The following TGFBR3 variants were observed in gnomAD, a reference collection of about 807,000 sequenced individuals.
The protein encoded by TGFBR3 is transforming growth factor beta receptor 3.
A neutral mutation model predicts 87.9 loss-of-function variants in TGFBR3; 46 were observed. The ratio of observed to expected loss-of-function variants is 0.52; its 90% confidence interval spans 0.41 to 0.67. The LOEUF (loss-of-function observed/expected upper bound fraction) is 0.67, where lower values mean the gene tolerates loss of function less well. TGFBR3 is among the 30% of genes least tolerant of loss of function. TGFBR3 has a pLI of 0.00. For synonymous variants in TGFBR3, 381 were observed against 391.6 expected (o/e 0.97, Z 0.32); for missense variants, 866 against 1,041.9 (o/e 0.83, Z 2.32).
intron 4 of TGFBR3, among the ~76,000 whole-genome samples, chr1:91,746,057 TA>T (rs937883547): frequency 2.6e-5 from 4 of 151,974 alleles, no homozygotes; most frequent in South Asian, 4.1e-4. Flanking sequence ...TGCTGAAATA[TA>T]AAAAAAACCT....
At chr1:91,782,703 C>A (rs1248705876) in intron 3 of TGFBR3, among the ~76,000 whole-genome samples, 3 of 151,920 alleles carry the variant, frequency 2.0e-5, no homozygotes, top group African/African-American at 7.3e-5. Context: ...ATTAAAAGAC[C>A]CCAGGGGCAT....
intron 2 of TGFBR3, among the ~76,000 whole-genome samples, chr1:91,850,105 GAAAGAA>G (rs1677669141): frequency 8.0e-6 from 1 of 125,004 alleles, no homozygotes; most frequent in Non-Finnish European, 1.7e-5. Flanking sequence ...AAAAAAAAAA[GAAAGAA>G]AAAGAAAAAA....
At chr1:91,803,380 T>C (rs1675711829) in intron 2 of TGFBR3, among the ~76,000 whole-genome samples, 2 of 152,184 alleles carry the variant, frequency 1.3e-5, no homozygotes. Flanking sequence ...TCTTCTGCCA[T>C]TTCCTTCTGA....
chr1:91,747,098 A>G (rs1673376107), intron 4 of TGFBR3, among the ~76,000 whole-genome samples: 1 of 152,240 alleles, frequency 6.6e-6, no homozygotes, highest in African/African-American at 2.4e-5. Context: ...GCAATTAGAT[A>G]AAGTGCCAGA....
intron 12 of TGFBR3, 100 bp downstream of exon 12, chr1:91,716,136 G>T: frequency 7.0e-7 from 1 of 1,433,542 alleles, no homozygotes; most frequent in Non-Finnish European, 9.7e-7. Flanking sequence ...GGTCTGTGAG[G>T]TAGGACAGGA....
intron 3 of TGFBR3, among the ~76,000 whole-genome samples, chr1:91,778,589 G>T (rs1222573686): frequency 6.6e-6 from 1 of 152,118 alleles, no homozygotes; most frequent in Non-Finnish European, 1.5e-5. Context: ...TATAATTAAT[G>T]AGAAACTTCC....
Position 91,689,589 on chromosome 1 carries a change from A to G in TGFBR3, c.2438-5732T>C, listed in dbSNP as rs574949225. 3.0e-4 allele frequency among the ~76,000 whole-genome samples: 46 copies of G among 152,316 alleles called. 1 individual carries two copies. The South Asian group carries it at 9.1e-3, about 30-fold the overall frequency. On this transcript the variant is annotated intron_variant, in intron 16 of 16. Transcript: ENST00000212355. ...AGAAAAACCGAAACACATGTTAATT[A>G]ATGTTTATTATCTGATAAGCAGAAG... is the stretch of plus-strand genomic sequence containing the variant.
intron 2 of TGFBR3, among the ~76,000 whole-genome samples, chr1:91,807,076 G>A (rs1191130790): frequency 2.0e-5 from 3 of 152,164 alleles, no homozygotes; most frequent in South Asian, 2.1e-4. Flanking sequence ...CACGCCTGAC[G>A]TGTACATAAC....
intron 1 of TGFBR3, among the ~76,000 whole-genome samples, chr1:91,901,943 A>G (rs1284016451): frequency 6.0e-5 from 3 of 50,272 alleles, no homozygotes; most frequent in Non-Finnish European, 1.1e-4. Context: ...CCACCAAAAG[A>G]AAAAAAAAAA....
At position 91,815,305 on chromosome 1, in the gene TGFBR3, A is replaced by C. The variant is rs375543890; in HGVS notation, c.62-17834T>G. ...TGACAGAGCAAGACTCCATCTAAAAATAAAATAAAATAAAATAAAATAAAA... is the reference window on the plus strand; with the variant it reads ...TGACAGAGCAAGACTCCATCTAAAACTAAAATAAAATAAAATAAAATAAAA... On this transcript the variant is annotated intron_variant, in intron 2 of 16. Transcript: ENST00000212355. Among the ~76,000 whole-genome samples the C allele has an allele frequency of 8.9e-3, 544 of 61,044 alleles. 1 individual carries two copies. Among genetic ancestry groups the C allele is most frequent in the East Asian group, 0.071 (33 of 464 alleles). 40.0% of individuals were successfully genotyped at this position (61,044 alleles called of 152,430 possible).
chr1:91,876,325 A>G (rs1358859518), intron 1 of TGFBR3, among the ~76,000 whole-genome samples: 1 of 152,172 alleles, frequency 6.6e-6, no homozygotes, highest in Non-Finnish European at 1.5e-5. Context: ...TGGCAGTGGA[A>G]AGGAGATTTC....
intron 10 of TGFBR3, among the ~76,000 whole-genome samples, chr1:91,717,492 T>C (rs1327442085): frequency 6.6e-6 from 1 of 152,200 alleles, no homozygotes; most frequent in African/African-American, 2.4e-5. Flanking sequence ...CCTGGATTAT[T>C]TCTAAATAGG....
At chr1:91,786,207 A>T (rs1473678831) in intron 3 of TGFBR3, 2 of 456,172 alleles carry the variant, frequency 4.4e-6, no homozygotes, top group East Asian at 1.4e-4. Flanking sequence ...TGGGTTCTTA[A>T]TAGTGATTCA....
At position 91,721,944 on chromosome 1, in the gene TGFBR3, T is replaced by G. The variant is rs1672381153; in HGVS notation, c.1075+11A>C. 3 of 1,612,240 alleles carry G rather than the reference T, an allele frequency of 1.9e-6. No homozygotes were observed. The highest frequency in any genetic ancestry group is 2.5e-6 in the Non-Finnish European group (3 of 1,179,078). On this transcript the variant is annotated intron_variant, in intron 8 of 16. Coordinates refer to ENST00000212355, the MANE Select transcript of TGFBR3 (RefSeq NM_003243.5). ...GTATTTTTTACATAACTTAAAAAAC[T>G]TCTAACTTACCATTATTTTCAAGCC...
At chr1:91,834,944 T>C (rs928864521) in intron 2 of TGFBR3, among the ~76,000 whole-genome samples, 1 of 152,202 alleles carries the variant, frequency 6.6e-6, no homozygotes, top group African/African-American at 2.4e-5. Context: ...CCTCCCAAAG[T>C]GCTGGGATTA....
At position 91,870,428 on chromosome 1, in the gene TGFBR3, A is replaced by G. The variant is rs978161760; in HGVS notation, c.-113-8784T>C. 8.5e-5 allele frequency among the ~76,000 whole-genome samples: 13 copies of G among 152,360 alleles called. No individual in the cohort carries two copies. The South Asian group carries it at 1.7e-3, about 19-fold the overall frequency. On this transcript the variant is annotated intron_variant, in intron 1 of 16. Coordinates refer to ENST00000212355, the MANE Select transcript of TGFBR3 (RefSeq NM_003243.5). Reference sequence around the variant, plus strand: ...GCAAACCAAAAATTAGAAAGGCTCAACGACTGGCCCAGCTTTACACAGCTA... The same window carrying G: ...GCAAACCAAAAATTAGAAAGGCTCAGCGACTGGCCCAGCTTTACACAGCTA...
chr1:91,691,794 A>T (rs943625122), intron 16 of TGFBR3, among the ~76,000 whole-genome samples: 2 of 152,230 alleles, frequency 1.3e-5, no homozygotes, highest in African/African-American at 4.8e-5. Context: ...AAAAGGAATC[A>T]GTAGAACATT....
At chr1:91,707,074 G>A (rs1671823928) in intron 14 of TGFBR3, among the ~76,000 whole-genome samples, 1 of 152,220 alleles carries the variant, frequency 6.6e-6, no homozygotes, top group African/African-American at 2.4e-5. Context: ...AGATTATTTT[G>A]CTTCTTCAAA....
At chr1:91,849,847 C>T (rs1026709417) in intron 2 of TGFBR3, among the ~76,000 whole-genome samples, 10 of 152,016 alleles carry the variant, frequency 6.6e-5, no homozygotes, top group Non-Finnish European at 1.0e-4. Context: ...CTTTGGGAGG[C>T]CGAGGCGGGC....
Sources: allele counts gnomAD v4.1 joint callset (sites outside exome capture counted in the v4.1 genomes callset), GRCh38; gene constraint gnomAD v4.1.1; transcripts MANE v1.5; gene names NCBI Gene and HGNC (gene_info 2026-07-23, HGNC 2026-07-21).